The following DNAH2 variants were observed in gnomAD, a reference collection of about 807,000 sequenced individuals.
DNAH2 encodes dynein axonemal heavy chain 2.
Under a neutral mutation model 523.5 loss-of-function variants are expected in DNAH2, and 323 were observed. The ratio of observed to expected loss-of-function variants is 0.62; its 90% CI spans 0.56 to 0.68. DNAH2 has a LOEUF of 0.68. DNAH2 is among the 30% of genes least tolerant of loss of function. The probability of loss-of-function intolerance (pLI) is 0.00; values close to 1 mark genes in which losing one functional copy is unlikely to be tolerated. For missense variants in DNAH2, 4,907 were observed against 5,701.5 expected, an observed-to-expected ratio of 0.86 and a Z score of 4.49; for synonymous variants, 2,093 against 2,177.4, an observed-to-expected ratio of 0.96 and a Z score of 1.08.
chr17:7,819,001 G>T lies in DNAH2; in HGVS notation c.10753G>T (p.Glu3585Ter). ...TLHTSKITAT[E>*]VTEQLETSET... ...GCATACCTCCAAGATCACAGCCACA[G>T]AGGTGACTGAGCAGCTGGAGACCAG... The change falls in exon 71 of 86, where the codon GAG becomes TAG. Residue 3585 changes from glutamate to a stop codon, truncating the protein, a stop_gained. Transcript: ENST00000572933. LOFTEE classifies it high-confidence loss of function. The T allele has an allele frequency of 6.2e-7, 1 of 1,610,974 alleles. No homozygotes were observed. Among genetic ancestry groups the T allele is most frequent in the East Asian group, 2.2e-5 (1 of 44,872 alleles).
At chr17:7,723,192 G>C (rs1236233117) in intron 2 of DNAH2, among the ~76,000 whole-genome samples, 4 of 147,236 alleles carry the variant, frequency 2.7e-5, no homozygotes, top group South Asian at 2.2e-4. Flanking sequence ...GGATGGTCTT[G>C]ATCTCCTGAC....
At position 7,799,040 on chromosome 17, in the gene DNAH2, G is replaced by A. The variant is rs1003979258; in HGVS notation, c.8560-63G>A. The A allele has an allele frequency of 5.7e-6, 9 of 1,589,046 alleles. No individual in the cohort carries two copies. The Admixed American group carries it at 1.0e-4, about 18-fold the overall frequency. On this transcript the variant is annotated intron_variant, in intron 55 of 85. Coordinates refer to ENST00000572933, the MANE Select transcript of DNAH2 (RefSeq NM_020877.5). ...ACACTTCGTCAGCCCCACCTGACCC[G>A]CTGCCCCCGCTGATTCTGCTATGGA...
chr17:7,766,457 C>CA lies in DNAH2; in HGVS notation c.3653dup (p.Asp1219GlyfsTer28). The CA allele has an allele frequency of 6.2e-7, 1 of 1,613,886 alleles. No individual in the cohort carries two copies. The stretch of plus-strand genomic sequence containing the variant: ...TCTTCAAGATCGAGCAGCCACCCTC[C>CA]AAGGACCTTCAGAACCTGGAGAAGG... On this transcript the variant is annotated frameshift_variant, in exon 22 of 86. Transcript: ENST00000572933. LOFTEE classifies it high-confidence loss of function.
At position 7,762,205 on chromosome 17, in the gene DNAH2, T is replaced by C. The variant is rs75900691; in HGVS notation, c.2978+1273T>C. Among the ~76,000 whole-genome samples the C allele has an allele frequency of 4.8e-3, 733 of 152,322 alleles. 3 individuals carry two copies. Among genetic ancestry groups the C allele is most frequent in the Non-Finnish European group, 7.2e-3 (490 of 68,040 alleles). ...CTCGTGTACTGTGTTATTACACAGC[T>C]GCACTGTGGTAAATACTGTGATGAA... is the stretch of plus-strand genomic sequence containing the variant. On this transcript the variant is annotated intron_variant, in intron 18 of 85. Transcript: ENST00000572933.
chr17:7,740,098 G>C (rs561492269), intron 9 of DNAH2, among the ~76,000 whole-genome samples, 160 bp downstream of exon 9: 1 of 145,762 alleles, frequency 6.9e-6, no homozygotes, highest in Admixed American at 6.8e-5. Flanking sequence ...TGCAGGGGAG[G>C]GGGGTGGCAG....
Position 7,759,498 on chromosome 17 carries a change from G to T in DNAH2, c.2525G>T (p.Trp842Leu). 6.2e-7 allele frequency: 1 copy of T among 1,614,098 alleles called. No homozygotes were observed. The highest frequency in any genetic ancestry group is 8.5e-7 in the Non-Finnish European group (1 of 1,180,022). The change falls in exon 16 of 86, where the codon TGG (tryptophan) becomes TTG (leucine). Residue 842 changes from tryptophan to leucine, a missense_variant. This residue lies in a region of DNAH2 where 2,806 missense variants were observed against 3,190.8 expected (regional missense o/e 0.88). Coordinates refer to ENST00000572933, the MANE Select transcript of DNAH2 (RefSeq NM_020877.5). ...MEDALRLNVK[W>L]SLLELSKAIN... ...GATGCCCTGCGCCTGAATGTGAAGT[G>T]GTCACTGCTAGAACTATCCAAGGCT...
chr17:7,736,573 CAT>C (rs2075148809), intron 7 of DNAH2, among the ~76,000 whole-genome samples: 1 of 152,184 alleles, frequency 6.6e-6, no homozygotes, highest in South Asian at 2.1e-4. Context: ...GAAAAGTTGA[CAT>C]GTGCTAACTC....
chr17:7,788,388 A>T, intron 44 of DNAH2, 144 bp downstream of exon 44: 1 of 1,027,720 alleles, frequency 9.7e-7, no homozygotes, highest in Non-Finnish European at 1.4e-6. Flanking sequence ...TTCAACGACC[A>T]TGGAGGCAGT....
At chr17:7,778,516 C>A (rs139265654) in intron 35 of DNAH2, 47 bp downstream of exon 35, 1 of 1,528,380 alleles carries the variant, frequency 6.5e-7, no homozygotes, top group African/African-American at 1.4e-5. Flanking sequence ...AATACCTTTT[C>A]GTCCCAGAAA....
chr17:7,723,641 G>A lies in DNAH2; in HGVS notation c.180G>A (p.Glu60=), dbSNP rs1328429699. 6.2e-7 allele frequency: 1 copy of A among 1,613,962 alleles called. No homozygotes were observed. Among genetic ancestry groups the A allele is most frequent in the East Asian group, 2.2e-5 (1 of 44,866 alleles). The change falls in exon 3 of 86, where the codon GAG becomes GAA. Residue 60 remains glutamate (E), a synonymous_variant. Coordinates refer to ENST00000572933, the MANE Select transcript of DNAH2 (RefSeq NM_020877.5). ...TATTCTTCCTAGAGCCACGGTTGGAGGGACCTCAAGCACAGAGTGAAGAAT... is the reference window on the plus strand; with the variant it reads ...TATTCTTCCTAGAGCCACGGTTGGAAGGACCTCAAGCACAGAGTGAAGAAT... ...LPKEEPEPRL[E]GPQAQSEESV...
intron 4 of DNAH2, among the ~76,000 whole-genome samples, chr17:7,731,452 C>A (rs966993902): frequency 6.6e-6 from 1 of 151,896 alleles, no homozygotes; most frequent in African/African-American, 2.4e-5. Context: ...ACTTCTATTT[C>A]TTTTTATTTG....
At chr17:7,738,403 C>A (rs562446664) in intron 8 of DNAH2, among the ~76,000 whole-genome samples, 1 of 152,240 alleles carries the variant, frequency 6.6e-6, no homozygotes, top group African/African-American at 2.4e-5. Flanking sequence ...GATCTCAGCT[C>A]ACTGCAAGCT....
At chr17:7,796,395 C>T (rs2151283526) in intron 49 of DNAH2, 69 bp from the exon 50 acceptor site, 2 of 1,546,302 alleles carry the variant, frequency 1.3e-6, no homozygotes, top group East Asian at 4.5e-5. Context: ...ATGAGCCAAG[C>T]TCTTTATTGG....
At position 7,807,305 on chromosome 17, in the gene DNAH2, G is replaced by A. The variant is rs780896949; in HGVS notation, c.9598G>A (p.Val3200Met). ...SLAAKSLCMWVRAMELYGRLY... is the reference protein window; with the variant it reads ...SLAAKSLCMWMRAMELYGRLY... ...GGCTGCCAAGTCCCTCTGCATGTGG[G>A]TGCGGGCCATGGAGGTAAAGGCGTC... Residue 3200 changes from valine (V) to methionine (M), a missense_variant, in exon 62 of 86, where the codon GTG (valine) becomes ATG (methionine). By Grantham distance (21) the Val-to-Met change is conservative (BLOSUM62 1). Transcript: ENST00000572933. This position sits in a 1 kb window ranked among gnomAD's most constrained non-coding sequence, Gnocchi z 5.6. The A allele has an allele frequency of 1.9e-6, 3 of 1,613,360 alleles. No homozygotes were observed. The highest frequency in any genetic ancestry group is 4.5e-5 in the East Asian group (2 of 44,884).
In DNAH2 at chr17:7,723,268, C is replaced by CTTTTTTTTTTTTTTT. The variant is rs58689789; in HGVS notation, c.167-352_167-338dup. ...TACAGGTGTGAGCCACTGTACCCGGCTTTTTTTTTTTTTTTTTTTTTTGAG... is the reference window on the plus strand; with the variant it reads ...TACAGGTGTGAGCCACTGTACCCGGCTTTTTTTTTTTTTTTTTTTTTTTTTTTTTTTTTTTTTGAG... On this transcript the variant is annotated intron_variant, in intron 2 of 85. Coordinates refer to ENST00000572933, the MANE Select transcript of DNAH2 (RefSeq NM_020877.5). Among the ~76,000 whole-genome samples, 3 of 59,914 alleles carry CTTTTTTTTTTTTTTT rather than the reference C, an allele frequency of 5.0e-5. 1 individual carries two copies. Among genetic ancestry groups the CTTTTTTTTTTTTTTT allele is most frequent in the African/African-American group, 2.5e-4 (3 of 12,078 alleles). The allele number at this position is 59,914 out of a possible 152,430, so 39.3% of individuals were successfully genotyped here.
In DNAH2 at chr17:7,797,693, G is replaced by A; in HGVS notation, c.8094G>A (p.Lys2698=). 6.2e-7 allele frequency: 1 copy of A among 1,614,154 alleles called. No individual in the cohort carries two copies. ...KRPPIFGDFL[K]EPKVYEDLTD... ...CCCATGGCTCAGGGGATTTCCTGAAGGAGCCCAAGGTGTATGAAGACCTCA... is the reference window on the plus strand; with the variant it reads ...CCCATGGCTCAGGGGATTTCCTGAAAGAGCCCAAGGTGTATGAAGACCTCA... The change falls in exon 53 of 86, where the codon AAG becomes AAA. Residue 2698 remains lysine, a synonymous_variant. Transcript: ENST00000572933.
rs767886182 is a variant in DNAH2 at position 7,796,687 on chromosome 17, G to A, written c.7863+35G>A. ...GGCCTGACCTTGCCCCTTCTGCTTG[G>A]CCCAGCCTCCGCGGAGGCTTTCTCT... On this transcript the variant is annotated intron_variant, in intron 50 of 85. Coordinates refer to ENST00000572933, the MANE Select transcript of DNAH2 (RefSeq NM_020877.5). The A allele has an allele frequency of 1.1e-5, 17 of 1,589,948 alleles. No individual in the cohort carries two copies. In the South Asian group the frequency reaches 1.7e-4, roughly 16 times the overall value.
chr17:7,750,859 T>C (rs149605226), intron 12 of DNAH2, among the ~76,000 whole-genome samples: 221 of 152,324 alleles, frequency 1.5e-3, no homozygotes, highest in African/African-American at 5.0e-3. Flanking sequence ...TGGAGGATTC[T>C]TCTCCAATAA....
chr17:7,816,773 G>C (rs11078708), intron 64 of DNAH2, 38 bp downstream of exon 64: 319,907 of 1,602,050 alleles, frequency 0.2, 33,653 homozygotes, highest in Admixed American at 0.28. Context: ...CTTTCACTCT[G>C]CTCGCCACTT....
Sources: gnomAD v4.1 joint callset for allele counts (sites outside exome capture counted in the v4.1 genomes callset) on GRCh38, gnomAD v4.1.1 for gene constraint, gnomAD v4.1.1 regional missense constraint, Gnocchi (gnomAD v3.1) non-coding constraint, MANE v1.5 for transcripts, NCBI Gene and HGNC (gene_info 2026-07-23, HGNC 2026-07-21) for gene names.